The following DMD variants were observed in gnomAD, a reference collection of about 807,000 sequenced individuals.
The protein encoded by DMD is mutant dystrophin.
Under a neutral mutation model 330.1 loss-of-function variants are expected in DMD, and 63 were observed. That is an observed-to-expected ratio of 0.19 (90% CI 0.16 to 0.24). The LOEUF is 0.24. Ranked by LOEUF, DMD falls within the 10% of genes least tolerant of loss-of-function variation. The probability of loss-of-function intolerance (pLI) is 1.00; values close to 1 mark genes in which losing one functional copy is unlikely to be tolerated. For missense variants in DMD, 3,344 were observed against 2,684.1 expected, an observed-to-expected ratio of 1.25 and a Z score of -5.43; for synonymous variants, 1,223 against 959.8, an observed-to-expected ratio of 1.27 and a Z score of -5.07.
chrX:33,025,885 T>C (rs2147802546), intron 1 of DMD, among the ~76,000 whole-genome samples: 1 of 111,645 alleles, frequency 9.0e-6, no homozygotes, highest in South Asian at 3.8e-4. Context: ...AAATGATATT[T>C]CCTTGGGGGC....
At chrX:32,721,693 G>T (rs1285955482) in intron 7 of DMD, among the ~76,000 whole-genome samples, 1 of 111,021 alleles carries the variant, frequency 9.0e-6, no homozygotes, top group East Asian at 2.8e-4. Flanking sequence ...TTAGATTAAT[G>T]TAGTTCCACT....
intron 51 of DMD, among the ~76,000 whole-genome samples, chrX:31,731,533 A>G (rs1031391299): frequency 2.7e-5 from 3 of 111,819 alleles, no homozygotes; most frequent in Non-Finnish European, 5.7e-5. Flanking sequence ...CAAAGTTAAC[A>G]GAGAACTTTA....
intron 2 of DMD, among the ~76,000 whole-genome samples, chrX:33,008,284 G>A (rs1447871285): frequency 1.8e-5 from 2 of 111,488 alleles, no homozygotes; most frequent in African/African-American, 6.5e-5. Flanking sequence ...CCCTCCATGT[G>A]CATTACAAGA....
chrX:32,549,734 T>C (rs1039367723), intron 16 of DMD, among the ~76,000 whole-genome samples: 1 of 111,349 alleles, frequency 9.0e-6, no homozygotes, highest in South Asian at 3.8e-4. Flanking sequence ...TATTCCAGGG[T>C]GTGCCTCTTC....
At chrX:33,165,516 A>C (rs185309905) in intron 1 of DMD, among the ~76,000 whole-genome samples, 1 of 111,503 alleles carries the variant, frequency 9.0e-6, no homozygotes, top group East Asian at 2.8e-4. Context: ...AACAATTTAT[A>C]ATTCCAACAA....
intron 63 of DMD, among the ~76,000 whole-genome samples, chrX:31,239,929 G>A (rs1038305583): frequency 2.7e-5 from 3 of 111,512 alleles, no homozygotes; most frequent in African/African-American, 6.5e-5. Flanking sequence ...TCCCTTAGAC[G>A]TGCCGCCTTT....
chrX:33,301,382 A>G (rs1000061622), intron 1 of DMD, among the ~76,000 whole-genome samples: 1 of 109,593 alleles, frequency 9.1e-6, no homozygotes, highest in East Asian at 2.9e-4. Flanking sequence ...TTCATGGTAT[A>G]TTTTTTTTTA....
At chrX:32,829,603 A>C (rs540738222) in intron 4 of DMD, among the ~76,000 whole-genome samples, 3 of 111,458 alleles carry the variant, frequency 2.7e-5, no homozygotes, top group African/African-American at 3.3e-5. Context: ...GTTGAATACA[A>C]TTTTTATTTT....
chrX:31,867,109 T>TATAC (rs1394927101), intron 48 of DMD, among the ~76,000 whole-genome samples: 8 of 108,770 alleles, frequency 7.4e-5, no homozygotes, highest in African/African-American at 2.7e-4. Context: ...TATATATATA[T>TATAC]ACGCACACAC....
chrX:31,828,186 G>A (rs1392863922), intron 49 of DMD, among the ~76,000 whole-genome samples: 2 of 111,955 alleles, frequency 1.8e-5, no homozygotes, highest in Non-Finnish European at 3.8e-5. Context: ...AAAGAAGAGA[G>A]AAGATTCAAA....
chrX:33,093,991 T>C lies in DMD; in HGVS notation c.32-73791A>G, dbSNP rs1366801573. The stretch of plus-strand genomic sequence containing the variant: ...TAATGCAACATAAATTTGCCATGAG[T>C]TTATACGCACCTTAAAAGAAATGTT... On this transcript the variant is annotated intron_variant, in intron 1 of 78. Coordinates refer to ENST00000357033, the MANE Select transcript of DMD (RefSeq NM_004006.3). Among the ~76,000 whole-genome samples, 3 of 111,400 alleles carry C rather than the reference T, an allele frequency of 2.7e-5. No homozygotes were observed. The Admixed American group carries it at 2.9e-4, about 11-fold the overall frequency.
At chrX:32,188,027 A>C (rs1401920989) in intron 44 of DMD, among the ~76,000 whole-genome samples, 1 of 111,224 alleles carries the variant, frequency 9.0e-6, no homozygotes, top group East Asian at 2.8e-4. Flanking sequence ...GGTGACAAAT[A>C]GTTCTGCCAA....
intron 60 of DMD, among the ~76,000 whole-genome samples, chrX:31,406,735 G>T (rs181795039): frequency 1.1e-3 from 125 of 111,429 alleles, no homozygotes; most frequent in African/African-American, 3.7e-3. Context: ...CAATGGAGTG[G>T]ATTGATTAGA....
chrX:32,843,654 G>C (rs1025717744), intron 4 of DMD, among the ~76,000 whole-genome samples: 1 of 111,914 alleles, frequency 8.9e-6, no homozygotes, highest in Non-Finnish European at 1.9e-5. Context: ...AGTGATCAAC[G>C]TACTCAATGT....
rs2148591470 is a variant in DMD, at chrX:31,209,570, T to A, written c.9491A>T (p.Glu3164Val). 1.7e-6 allele frequency: 2 copies of A among 1,211,581 alleles called. No individual in the cohort carries two copies. Among genetic ancestry groups the A allele is most frequent in the Non-Finnish European group, 2.2e-6 (2 of 895,408 alleles). The change falls in exon 65 of 79, where the codon GAG becomes GTG. Residue 3164 changes from glutamate (E) to valine (V), a missense_variant. Coordinates refer to ENST00000357033, the MANE Select transcript of DMD (RefSeq NM_004006.3). The stretch of plus-strand genomic sequence containing the variant: ...AGGGACGTTGACCAAATTGTTGTGC[T>A]CTTGCTCCAGGCGGTCATAAATAGT... The part of the protein sequence containing the change: ...LTTIYDRLEQ[E>V]HNNLVNVPLC...
intron 51 of DMD, among the ~76,000 whole-genome samples, chrX:31,765,372 A>G (rs1292595557): frequency 2.7e-5 from 3 of 111,537 alleles, no homozygotes; most frequent in African/African-American, 9.8e-5. Context: ...CTTATAGAGG[A>G]TACACTCTAA....
Position 32,797,064 on chromosome X carries a change from T to G in DMD, c.649+12429A>C, listed in dbSNP as rs56762804. Among the ~76,000 whole-genome samples, 159 of 112,246 alleles carry G rather than the reference T, an allele frequency of 1.4e-3. 1 individual carries two copies. The East Asian group carries it at 0.038, about 27-fold the overall frequency. On this transcript the variant is annotated intron_variant, in intron 7 of 78. Coordinates refer to ENST00000357033, the MANE Select transcript of DMD (RefSeq NM_004006.3). The stretch of plus-strand genomic sequence containing the variant: ...ACCAACCTAATATCTATTTTTCCAG[T>G]GCCCAGCTTTAAGGTTTTTGGATAT...
At chrX:33,033,732 C>G (rs1401565248) in intron 1 of DMD, among the ~76,000 whole-genome samples, 2 of 109,950 alleles carry the variant, frequency 1.8e-5, no homozygotes, top group African/African-American at 3.3e-5. Flanking sequence ...AAAAAAAGCT[C>G]TCATACTAGC....
intron 25 of DMD, among the ~76,000 whole-genome samples, chrX:32,462,495 T>G (rs2098386906): frequency 9.0e-6 from 1 of 111,279 alleles, no homozygotes; most frequent in Admixed American, 9.6e-5. Flanking sequence ...TATTTTTGAA[T>G]ATATCTTACT....
Sources: allele counts gnomAD v4.1 joint callset (sites outside exome capture counted in the v4.1 genomes callset), GRCh38; gene constraint gnomAD v4.1.1; transcripts MANE v1.5; gene names NCBI Gene and HGNC (gene_info 2026-07-23, HGNC 2026-07-21).